Variants in OVCH1 observed in about 807,000 individuals in gnomAD.
OVCH1 encodes the protein ovochymase-1.
Under a neutral mutation model 138.4 loss-of-function variants are expected in OVCH1, and 139 were observed. That is an observed-to-expected ratio of 1.00 (90% confidence interval 0.87 to 1.16). The LOEUF (loss-of-function observed/expected upper bound fraction) is 1.16. OVCH1 is among the 50% of genes most tolerant of loss of function. The probability of loss-of-function intolerance (pLI) is 0.00; values close to 1 mark genes in which losing one functional copy is unlikely to be tolerated. For missense variants in OVCH1, 1,367 were observed against 1,357.9 expected (o/e 1.01, Z -0.11); for synonymous variants, 453 against 467.8 (o/e 0.97, Z 0.41).
intron 21 of OVCH1, among the ~76,000 whole-genome samples, chr12:29,454,486 C>T (rs527579669): frequency 1.2e-4 from 18 of 152,220 alleles, no homozygotes; most frequent in African/African-American, 4.1e-4. Flanking sequence ...CTAATGCTGG[C>T]GCTAGTCTTG....
intron 9 of OVCH1, 195 bp from the exon 11 acceptor site, chr12:29,477,673 C>T (rs1007870950): frequency 2.1e-6 from 3 of 1,397,722 alleles, no homozygotes; most frequent in African/African-American, 1.4e-5. Flanking sequence ...ACCCCCCAGT[C>T]TCACATGTCC....
chr12:29,491,337 A>G (rs933061650), intron 4 of OVCH1, 145 bp from the exon 5 acceptor site: 2 of 668,674 alleles, frequency 3.0e-6, no homozygotes, highest in Non-Finnish European at 4.9e-6. Context: ...GCCCCTCCAT[A>G]TAAAACCGTT....
Position 29,495,805 on chromosome 12 carries a change from A to C in OVCH1, c.282-348T>G, listed in dbSNP as rs72640152. 0.013 allele frequency among the ~76,000 whole-genome samples: 2,042 copies of C among 152,216 alleles called. 117 individuals are homozygous for C. In the East Asian group the frequency reaches 0.18, roughly 13 times the overall value. ...TTTTCTCTTATTAGTACCCTCTTTT[A>C]ATCTGGTCAAATATTTGTAATTTCT... On this transcript the variant is annotated intron_variant, in intron 3 of 27. Coordinates refer to ENST00000318184, the Ensembl canonical transcript of OVCH1.
At chr12:29,420,358 T>C (rs993640266) in intron 3 of OVCH1, among the ~76,000 whole-genome samples, 15 of 152,214 alleles carry the variant, frequency 9.9e-5, no homozygotes, top group Non-Finnish European at 1.8e-4. Flanking sequence ...TCCAGTGCTC[T>C]AGGTGATATG....
chr12:29,416,628 CA>C (rs1941034309), intron 3 of OVCH1, among the ~76,000 whole-genome samples: 1 of 151,720 alleles, frequency 6.6e-6, no homozygotes, highest in South Asian at 2.1e-4. Flanking sequence ...GAATGGCTAA[CA>C]TTTTTTTAAA....
chr12:29,446,043 A>T (rs924476138), intron 22 of OVCH1, among the ~76,000 whole-genome samples: 1 of 152,166 alleles, frequency 6.6e-6, no homozygotes, highest in African/African-American at 2.4e-5. Context: ...TGTGGCACTG[A>T]CATCCCAGAT....
chr12:29,474,747 T>C (rs1942644672), intron 14 of OVCH1, among the ~76,000 whole-genome samples: 2 of 152,074 alleles, frequency 1.3e-5, no homozygotes, highest in Admixed American at 6.6e-5. Flanking sequence ...TAAAATAGAG[T>C]CAGTCAATCT....
At chr12:29,449,449 G>C (rs1038015746) in intron 22 of OVCH1, among the ~76,000 whole-genome samples, 1 of 151,820 alleles carries the variant, frequency 6.6e-6, no homozygotes, top group African/African-American at 2.4e-5. Flanking sequence ...AAATTACTTT[G>C]GGCAGTATGG....
chr12:29,412,625 C>T (rs1331220605), intron 4 of OVCH1: 2 of 152,214 alleles, frequency 1.3e-5, no homozygotes, highest in African/African-American at 2.4e-5. Flanking sequence ...GGTACATATA[C>T]TCACTGTGAA....
chr12:29,461,743 A>T (rs771968694), intron 19 of OVCH1, 111 bp downstream of exon 19: 140 of 1,331,384 alleles, frequency 1.1e-4, no homozygotes, highest in Non-Finnish European at 1.4e-4. Context: ...GGGATATGAT[A>T]TTGAAGCACG....
chr12:29,495,381 G>A (rs1181610139), exon 4 of OVCH1: 5 of 1,613,192 alleles, frequency 3.1e-6, no homozygotes, highest in Middle Eastern at 1.7e-4. Flanking sequence ...TTTGAGACAG[G>A]AATATTCTGT....
At chr12:29,460,255 C>A (rs1332801795) in intron 19 of OVCH1, among the ~76,000 whole-genome samples, 3 of 152,124 alleles carry the variant, frequency 2.0e-5, no homozygotes, top group African/African-American at 7.2e-5. Flanking sequence ...ATAAGCTCAC[C>A]TTGTAATGTT....
intron 4 of OVCH1, among the ~76,000 whole-genome samples, chr12:29,492,341 TAAAC>T (rs752112979): frequency 2.9e-4 from 43 of 147,872 alleles, no homozygotes; most frequent in African/African-American, 4.3e-4. Flanking sequence ...AAAAAAAAAA[TAAAC>T]AAATCAGAGG....
chr12:29,448,513 G>T (rs144000962), intron 22 of OVCH1, among the ~76,000 whole-genome samples: 3 of 151,994 alleles, frequency 2.0e-5, no homozygotes, highest in African/African-American at 7.2e-5. Flanking sequence ...GCTGGGAATA[G>T]ACAATGGCCC....
At chr12:29,424,265 C>T (rs1002496652), downstream of OVCH1, among the ~76,000 whole-genome samples, 12 of 152,192 alleles carry the variant, frequency 7.9e-5, no homozygotes, top group Non-Finnish European at 1.6e-4. Context: ...AGGCACAGAT[C>T]GCTTATGCTA....
At chr12:29,435,375 C>CT (rs375193760) in intron 26 of OVCH1, among the ~76,000 whole-genome samples, 195 of 151,740 alleles carry the variant, frequency 1.3e-3, no homozygotes, top group African/African-American at 2.7e-3. Context: ...TTAAAAACCA[C>CT]TTTTTTTTTG....
At chr12:29,422,822 A>G (rs2084649211), downstream of OVCH1, among the ~76,000 whole-genome samples, 1 of 152,190 alleles carries the variant, frequency 6.6e-6, no homozygotes, top group Admixed American at 6.5e-5. Context: ...AGACATGGAA[A>G]TACAATGAAC....
In OVCH1 at chr12:29,471,861, T is replaced by C. The variant is rs181642511; in HGVS notation, c.1797A>G (p.Gln599=). 1,785 of 1,613,182 alleles carry C rather than the reference T, an allele frequency of 1.1e-3. 11 individuals carry two copies. Among genetic ancestry groups the C allele is most frequent in the South Asian group, 8.5e-3 (775 of 90,936 alleles). ...CTGGGTTGATGATGGCACCTCCACA[T>C]TGGTAATCGCCTAGAAACCTCAGAC... is the stretch of plus-strand genomic sequence containing the variant. The change falls in exon 16 of 28, where the codon CAA becomes CAG. Residue 599 remains glutamine, a synonymous_variant. Transcript: ENST00000318184.
At chr12:29,472,083 A>G in intron 15 of OVCH1, 101 bp from the exon 16 acceptor site, 1 of 1,194,974 alleles carries the variant, frequency 8.4e-7, no homozygotes, top group Non-Finnish European at 1.1e-6. Context: ...CTCAAACATC[A>G]GATAGGCTTT....
Sources: gnomAD v4.1 joint callset for allele counts (sites outside exome capture counted in the v4.1 genomes callset) on GRCh38, gnomAD v4.1.1 for gene constraint, MANE v1.5 for transcripts, NCBI Gene and HGNC (gene_info 2026-07-23, HGNC 2026-07-21) for gene names.